The following YES1 variants were observed in gnomAD, a reference collection of about 807,000 sequenced individuals.
YES1 encodes tyrosine-protein kinase Yes.
In YES1, 39 loss-of-function variants were observed where a neutral mutation model predicts 70.4. That is an observed-to-expected ratio of 0.55 (90% CI 0.43 to 0.72). YES1 has a LOEUF of 0.72. YES1 is among the 30% of genes least tolerant of loss of function. The probability of loss-of-function intolerance (pLI) is 0.00; values close to 1 mark genes in which losing one functional copy is unlikely to be tolerated. For synonymous variants in YES1, 198 were observed against 218.6 expected (o/e 0.91, Z 0.83); for missense variants, 495 against 644.8 (o/e 0.77, Z 2.52).
chr18:776,645 AG>A (rs944720129), intron 1 of YES1, among the ~76,000 whole-genome samples: 4 of 152,194 alleles, frequency 2.6e-5, no homozygotes, highest in Admixed American at 2.0e-4. Flanking sequence ...AAACATAAAA[AG>A]CATTAATATT....
chr18:735,289 C>T (rs71352967), intron 10 of YES1, among the ~76,000 whole-genome samples: 12,624 of 151,894 alleles, frequency 0.083, 738 homozygotes, highest in Non-Finnish European at 0.12. Context: ...AAAAATGTGG[C>T]ATATATACAC....
chr18:768,859 C>T (rs1442085156), intron 1 of YES1, among the ~76,000 whole-genome samples: 6 of 152,132 alleles, frequency 3.9e-5, no homozygotes, highest in Admixed American at 1.3e-4. Flanking sequence ...TCTGCCACCA[C>T]GCCTGGCTAA....
chr18:781,396 T>C (rs371185669), intron 1 of YES1, among the ~76,000 whole-genome samples: 1 of 152,180 alleles, frequency 6.6e-6, no homozygotes, highest in African/African-American at 2.4e-5. Context: ...AACCTCCCTC[T>C]TTCCTTACGC....
chr18:774,405 C>T lies in YES1; in HGVS notation c.-8-17570G>A, dbSNP rs558268880. 4.6e-5 allele frequency among the ~76,000 whole-genome samples: 7 copies of T among 152,278 alleles called. No individual in the cohort carries two copies. In the South Asian group the frequency reaches 1.5e-3, roughly 32 times the overall value. ...CTCACTTTTAACTGTCTACGCAATACCTTCACTTGGACGTCTAAAAGGATT... is the reference window on the plus strand; with the variant it reads ...CTCACTTTTAACTGTCTACGCAATATCTTCACTTGGACGTCTAAAAGGATT... On this transcript the variant is annotated intron_variant, in intron 1 of 11. Coordinates refer to ENST00000314574, the MANE Select transcript of YES1 (RefSeq NM_005433.4).
intron 1 of YES1, among the ~76,000 whole-genome samples, chr18:773,181 T>C (rs572855605): frequency 6.6e-6 from 1 of 151,264 alleles, no homozygotes; most frequent in East Asian, 1.9e-4. Flanking sequence ...CCACATTAGA[T>C]TTTTCTTTAA....
chr18:797,342 G>A (rs768275004), intron 1 of YES1, among the ~76,000 whole-genome samples: 16 of 151,702 alleles, frequency 1.1e-4, no homozygotes, highest in Non-Finnish European at 1.6e-4. Context: ...AAAAAAACTG[G>A]GAAAATATAG....
At chr18:790,143 A>G (rs1300607013) in intron 1 of YES1, among the ~76,000 whole-genome samples, 1 of 152,222 alleles carries the variant, frequency 6.6e-6, no homozygotes, top group East Asian at 1.9e-4. Context: ...TGGGAGACCA[A>G]GGTGGGCGGA....
intron 6 of YES1, 49 bp from the exon 7 acceptor site, chr18:743,464 G>A: frequency 2.1e-6 from 3 of 1,456,406 alleles, no homozygotes; most frequent in Non-Finnish European, 2.8e-6. Flanking sequence ...AAAAATTAAG[G>A]GGCATATAGT....
chr18:779,556 G>A (rs915683656), intron 1 of YES1, among the ~76,000 whole-genome samples: 1 of 152,066 alleles, frequency 6.6e-6, no homozygotes, highest in African/African-American at 2.4e-5. Flanking sequence ...GCAGATCCCA[G>A]GTAACAGTTA....
intron 11 of YES1, among the ~76,000 whole-genome samples, chr18:725,756 G>A (rs971514729): frequency 2.0e-5 from 3 of 152,156 alleles, no homozygotes; most frequent in Non-Finnish European, 4.4e-5. Context: ...CATGATGGCA[G>A]GTGCCTGTAA....
intron 2 of YES1, among the ~76,000 whole-genome samples, chr18:754,982 CT>C (rs1007457704): frequency 2.6e-5 from 4 of 152,280 alleles, no homozygotes; most frequent in Admixed American, 6.5e-5. Context: ...ATGAATACCC[CT>C]AATAGAATAT....
At chr18:777,882 G>A (rs9945807) in intron 1 of YES1, among the ~76,000 whole-genome samples, 1 of 151,238 alleles carries the variant, frequency 6.6e-6, no homozygotes, top group Non-Finnish European at 1.5e-5. Flanking sequence ...GTTTAGTAAA[G>A]CTATAACAAA....
chr18:738,146 G>A (rs1424891001), intron 9 of YES1: 1 of 151,716 alleles, frequency 6.6e-6, no homozygotes, highest in Non-Finnish European at 1.5e-5. Context: ...TGTTGCCTAT[G>A]TATAGTTTCT....
intron 6 of YES1, among the ~76,000 whole-genome samples, chr18:744,043 C>T (rs1369462450): frequency 6.7e-6 from 1 of 148,810 alleles, no homozygotes; most frequent in Non-Finnish European, 1.5e-5. Context: ...AGTATATTTA[C>T]TAAATACTTA....
chr18:726,780 T>TAAAAA, intron 11 of YES1, among the ~76,000 whole-genome samples: 1 of 19,514 alleles, frequency 5.1e-5, no homozygotes, highest in Non-Finnish European at 1.1e-4. Flanking sequence ...GACTCTTGTC[T>TAAAAA]CAAAAAAAAA....
intron 1 of YES1, among the ~76,000 whole-genome samples, chr18:787,644 A>G (rs573933362): frequency 2.0e-5 from 3 of 151,912 alleles, no homozygotes; most frequent in African/African-American, 7.2e-5. Context: ...TGGGATGCGG[A>G]GGTTGCAGTG....
intron 1 of YES1, among the ~76,000 whole-genome samples, chr18:764,539 C>T (rs926677955): frequency 6.6e-6 from 1 of 151,552 alleles, no homozygotes; most frequent in African/African-American, 2.4e-5. Context: ...CTAGTTTTAA[C>T]CAAGTGGAGA....
chr18:754,851 C>G (rs1299604514), intron 2 of YES1, among the ~76,000 whole-genome samples: 1 of 152,148 alleles, frequency 6.6e-6, no homozygotes, highest in East Asian at 1.9e-4. Flanking sequence ...TCCTGTTTAG[C>G]TGTTTATTCA....
intron 1 of YES1, among the ~76,000 whole-genome samples, chr18:794,008 C>T (rs151164477): frequency 1.2e-4 from 18 of 152,308 alleles, no homozygotes; most frequent in African/African-American, 2.6e-4. Context: ...ATTCAGCACA[C>T]GTATCCCAGA....
Sources: gnomAD v4.1 joint callset for allele counts (sites outside exome capture counted in the v4.1 genomes callset) on GRCh38, gnomAD v4.1.1 for gene constraint, MANE v1.5 for transcripts, NCBI Gene and HGNC (gene_info 2026-07-23, HGNC 2026-07-21) for gene names.